Variants in MDN1 observed in about 807,000 individuals in gnomAD.
MDN1 encodes midasin.
MDN1 carries 266 observed loss-of-function variants against 669.2 expected under a neutral mutation model. The observed-to-expected ratio is 0.40, with a 90% CI of 0.36 to 0.44. MDN1 has a LOEUF of 0.44. MDN1 is among the 20% of genes least tolerant of loss of function. MDN1 has a pLI of 1.00. For missense variants in MDN1, 5,940 were observed against 6,754.0 expected, an observed-to-expected ratio of 0.88 and a Z score of 4.22; for synonymous variants, 2,385 against 2,457.1, an observed-to-expected ratio of 0.97 and a Z score of 0.87.
In MDN1 at chr6:89,695,374, G is replaced by T. The variant is rs1400057228; in HGVS notation, c.9771+231C>A. ...TCTGCCCATTGCACCTATTGGCAGA[G>T]ATCTCAGAACCTTAGGAAGGGCTCC... On this transcript the variant is annotated intron_variant, in intron 61 of 101. Coordinates refer to ENST00000369393, the MANE Select transcript of MDN1 (RefSeq NM_014611.3). The surrounding 1 kb of genome is among the most constrained non-coding windows in gnomAD (Gnocchi z 4.1). Among the ~76,000 whole-genome samples the T allele has an allele frequency of 2.0e-5, 3 of 152,176 alleles. No homozygotes were observed. The highest frequency in any genetic ancestry group is 4.4e-5 in the Non-Finnish European group (3 of 68,040).
At position 89,645,104 on chromosome 6, in the gene MDN1, C is replaced by T; in HGVS notation, c.16513G>A (p.Gly5505Ser). ...ACTGCTGCCAGGACTCTTTCTTTGC[C>T]CTCAAGGAAAAGGCCTCGCCCATCA... Reference protein sequence around the residue: ...VSDGRGLFLEGKERVLAAVQA... With the variant: ...VSDGRGLFLESKERVLAAVQA... Residue 5505 changes from glycine (G) to serine (S), a missense_variant, in exon 101 of 102, where the codon GGC becomes AGC. Transcript: ENST00000369393. The T allele has an allele frequency of 6.2e-7, 1 of 1,611,956 alleles. No individual in the cohort carries two copies. The highest frequency in any genetic ancestry group is 2.2e-5 in the East Asian group (1 of 44,852).
Position 89,752,562 on chromosome 6 carries a change from C to A in MDN1, c.3075+950G>T, listed in dbSNP as rs145993195. 7.9e-5 allele frequency among the ~76,000 whole-genome samples: 12 copies of A among 152,260 alleles called. No homozygotes were observed. The East Asian group carries it at 1.9e-3, about 24-fold the overall frequency. On this transcript the variant is annotated intron_variant, in intron 22 of 101. Coordinates refer to ENST00000369393, the MANE Select transcript of MDN1 (RefSeq NM_014611.3). ...CAAGTTTCTCTCAGCCTCTTTCAGTCCCATGCTATTCTGTAATTTCCTGCC... is the reference window on the plus strand; with the variant it reads ...CAAGTTTCTCTCAGCCTCTTTCAGTACCATGCTATTCTGTAATTTCCTGCC...
chr6:89,684,020 G>C (rs925718208), intron 71 of MDN1, 116 bp from the exon 72 acceptor site: 18 of 764,184 alleles, frequency 2.4e-5, no homozygotes, highest in Non-Finnish European at 3.3e-5. Flanking sequence ...ACAGGACTGT[G>C]TGTCAGTGAA....
At chr6:89,651,931 A>C (rs200974838) in intron 95 of MDN1, among the ~76,000 whole-genome samples, 1 of 4,254 alleles carries the variant, frequency 2.4e-4, no homozygotes, top group Admixed American at 6.4e-3. Context: ...CACAACTATT[A>C]ACATCCATTA....
chr6:89,700,344 G>C (rs777906074), intron 56 of MDN1, 50 bp from the exon 57 acceptor site: 6 of 1,431,838 alleles, frequency 4.2e-6, no homozygotes, highest in Non-Finnish European at 4.9e-6. Context: ...TAAGAGTATA[G>C]CCTCTAGATT....
chr6:89,664,989 T>C (rs1225314454), intron 84 of MDN1, among the ~76,000 whole-genome samples: 1 of 152,178 alleles, frequency 6.6e-6, no homozygotes, highest in Non-Finnish European at 1.5e-5. Context: ...CAAGAGAATC[T>C]TGGTCATTCT....
intron 2 of MDN1, among the ~76,000 whole-genome samples, chr6:89,798,085 G>C (rs1184387005): frequency 6.6e-6 from 1 of 151,548 alleles, no homozygotes; most frequent in East Asian, 1.9e-4. Flanking sequence ...AGGAGGCTGA[G>C]GCAGGAGAAT....
intron 95 of MDN1, 47 bp from the exon 96 acceptor site, chr6:89,650,894 A>C (rs1428694435): frequency 7.2e-6 from 11 of 1,522,098 alleles, no homozygotes; most frequent in Non-Finnish European, 9.1e-6. Context: ...GTCAGAGCCA[A>C]CCAAGTCTTC....
intron 33 of MDN1, 44 bp from the exon 34 acceptor site, chr6:89,732,819 T>G (rs779430113): frequency 6.3e-7 from 1 of 1,580,524 alleles, no homozygotes; most frequent in Non-Finnish European, 8.7e-7. Context: ...TAACGGGAGA[T>G]CCCAGAACAA....
In MDN1 at chr6:89,672,270, A is replaced by G; in HGVS notation, c.13724T>C (p.Ile4575Thr). Residue 4575 changes from isoleucine to threonine, a missense_variant, in exon 82 of 102, where the codon ATT becomes ACT. Ile to Thr is a moderately conservative substitution (Grantham distance 89). Coordinates refer to ENST00000369393, the MANE Select transcript of MDN1 (RefSeq NM_014611.3). ...DVSTLHVQKIISAISELLERL... is the reference protein window; with the variant it reads ...DVSTLHVQKITSAISELLERL... Reference sequence around the variant, plus strand: ...CTCCAACAGCTCGGAGATGGCAGAAATTATTTTCTGCACGTGCAAAGTGCT... The same window carrying G: ...CTCCAACAGCTCGGAGATGGCAGAAGTTATTTTCTGCACGTGCAAAGTGCT... 1 of 1,612,240 alleles carries G rather than the reference A, an allele frequency of 6.2e-7. No homozygotes were observed. Among genetic ancestry groups the G allele is most frequent in the South Asian group, 1.1e-5 (1 of 90,406 alleles).
rs776155222 is a variant in MDN1, at chr6:89,689,952, A to G, written c.10941T>C (p.His3647=). 2.5e-6 allele frequency: 4 copies of G among 1,614,128 alleles called. No homozygotes were observed. Among genetic ancestry groups the G allele is most frequent in the African/African-American group, 1.3e-5 (1 of 74,940 alleles). Residue 3647 remains histidine (H), a synonymous_variant, in exon 65 of 102, where the codon CAT becomes CAC. Coordinates refer to ENST00000369393, the MANE Select transcript of MDN1 (RefSeq NM_014611.3). ...SLWYQQTLPP[H]EAKHYLSLFL... is the part of the protein sequence containing the mutation. ...ACAGGCTGAGGTAATGCTTTGCTTC[A>G]TGTGGCGGCAGAGTCTGTTGATACC...
chr6:89,784,983 A>G (rs67115658), intron 9 of MDN1, 29 bp downstream of exon 9: 218,652 of 1,437,064 alleles, frequency 0.15, 18,104 homozygotes, highest in Middle Eastern at 0.24. Flanking sequence ...GCACCTGGCC[A>G]GCATTGATAC....
chr6:89,699,501 GA>G (rs1238720429), intron 58 of MDN1, 99 bp downstream of exon 58: 18 of 1,377,854 alleles, frequency 1.3e-5, no homozygotes, highest in Non-Finnish European at 1.6e-5. Flanking sequence ...TTCCAATATG[GA>G]ATTTTGAGAA....
At chr6:89,806,372 G>A (rs1584400663) in intron 1 of MDN1, among the ~76,000 whole-genome samples, 1 of 152,180 alleles carries the variant, frequency 6.6e-6, no homozygotes, top group Non-Finnish European at 1.5e-5. Context: ...AGACCAACCT[G>A]GGCAATGTGG....
chr6:89,652,942 T>G, intron 94 of MDN1, 50 bp downstream of exon 94: 1 of 1,539,984 alleles, frequency 6.5e-7, no homozygotes, highest in Admixed American at 2.0e-5. Context: ...AATTTTATTT[T>G]GTTAATTTAT....
intron 88 of MDN1, among the ~76,000 whole-genome samples, chr6:89,659,475 A>C (rs1809560485): frequency 6.6e-6 from 1 of 152,270 alleles, no homozygotes; most frequent in African/African-American, 2.4e-5. Flanking sequence ...CAACAGCAGA[A>C]CTGAGTGTTT....
chr6:89,704,372 ACT>A (rs1393437403), intron 53 of MDN1, among the ~76,000 whole-genome samples: 1 of 152,034 alleles, frequency 6.6e-6, no homozygotes, highest in African/African-American at 2.4e-5. Context: ...ACAGAGCGAG[ACT>A]CTGTCTCAAA....
chr6:89,715,800 G>T, intron 44 of MDN1, 31 bp from the exon 45 acceptor site: 1 of 1,385,952 alleles, frequency 7.2e-7, no homozygotes, highest in Non-Finnish European at 1.0e-6. Context: ...TGGTGGATAG[G>T]CTGACATGCT....
intron 17 of MDN1, among the ~76,000 whole-genome samples, chr6:89,761,002 T>C (rs908217128): frequency 7.9e-5 from 12 of 152,004 alleles, no homozygotes; most frequent in African/African-American, 2.7e-4. Context: ...CTACTAAAAA[T>C]ACAAAAACAA....
Sources: gnomAD v4.1 joint callset for allele counts (sites outside exome capture counted in the v4.1 genomes callset) on GRCh38, gnomAD v4.1.1 for gene constraint, Gnocchi (gnomAD v3.1) non-coding constraint, MANE v1.5 for transcripts, NCBI Gene and HGNC (gene_info 2026-07-23, HGNC 2026-07-21) for gene names.